The following VSNL1 variants were observed in gnomAD, a reference collection of about 807,000 sequenced individuals.
VSNL1 encodes the protein visinin like 1.
In VSNL1, 6 loss-of-function variants were observed where a neutral mutation model predicts 20.4. That is an observed-to-expected ratio of 0.29 (90% confidence interval 0.16 to 0.58). The LOEUF is 0.58. VSNL1 is among the 20% of genes least tolerant of loss of function. The pLI is 0.90. For missense variants in VSNL1, 100 were observed against 234.5 expected (o/e 0.43, Z 3.75); for synonymous variants, 93 against 86.4 (o/e 1.08, Z -0.42).
At chr2:17,552,532 A>T (rs1331779014) in intron 1 of VSNL1, among the ~76,000 whole-genome samples, 1 of 152,154 alleles carries the variant, frequency 6.6e-6, no homozygotes, top group South Asian at 2.1e-4. Flanking sequence ...CCATCACCCA[A>T]TGTTAATCAG....
intron 1 of VSNL1, among the ~76,000 whole-genome samples, chr2:17,548,738 A>G (rs1225163875): frequency 6.6e-6 from 1 of 152,066 alleles, no homozygotes; most frequent in Admixed American, 6.6e-5. Context: ...TTTTCCAAGT[A>G]TATCTTCCTA....
chr2:17,645,406 T>C (rs1009442865), intron 2 of VSNL1, among the ~76,000 whole-genome samples: 2 of 152,208 alleles, frequency 1.3e-5, no homozygotes, highest in South Asian at 4.1e-4. Flanking sequence ...GAGAGATTCA[T>C]GTGGGAAATG....
chr2:17,626,322 C>T (rs1665507981), intron 2 of VSNL1, among the ~76,000 whole-genome samples: 1 of 152,146 alleles, frequency 6.6e-6, no homozygotes, highest in Non-Finnish European at 1.5e-5. Context: ...TGTGTAGTAC[C>T]CCTTGGGGCC....
rs151076033 is a variant in VSNL1 at position 17,631,131 on chromosome 2, T to G, written c.163-18279T>G. Among the ~76,000 whole-genome samples the G allele has an allele frequency of 4.7e-3, 714 of 152,268 alleles. 3 individuals are homozygous for G. Among genetic ancestry groups the G allele is most frequent in the Middle Eastern group, 0.014 (4 of 294 alleles). ...AAAAAATGGACTTTTCATTAAATCTTATAACAATTGTCTAGCCATTATATT... is the reference window on the plus strand; with the variant it reads ...AAAAAATGGACTTTTCATTAAATCTGATAACAATTGTCTAGCCATTATATT... On this transcript the variant is annotated intron_variant, in intron 2 of 3. Transcript: ENST00000295156.
intron 2 of VSNL1, among the ~76,000 whole-genome samples, chr2:17,605,539 C>T (rs1157183390): frequency 6.6e-6 from 1 of 152,222 alleles, no homozygotes; most frequent in Non-Finnish European, 1.5e-5. Flanking sequence ...TGGTAACAGC[C>T]TTGAAGGTAT....
intron 1 of VSNL1, among the ~76,000 whole-genome samples, chr2:17,555,933 A>G (rs1362696251): frequency 6.6e-6 from 1 of 152,192 alleles, no homozygotes; most frequent in Non-Finnish European, 1.5e-5. Flanking sequence ...CTTAAGACAA[A>G]TATCTTTTTT....
intron 1 of VSNL1, among the ~76,000 whole-genome samples, chr2:17,576,200 A>G (rs1052474238): frequency 3.9e-5 from 6 of 152,186 alleles, no homozygotes; most frequent in Non-Finnish European, 8.8e-5. Flanking sequence ...TTAATTTTGC[A>G]TCTCTGCTTT....
At chr2:17,551,087 C>A (rs1663524099) in intron 1 of VSNL1, among the ~76,000 whole-genome samples, 1 of 152,206 alleles carries the variant, frequency 6.6e-6, no homozygotes, top group South Asian at 2.1e-4. Flanking sequence ...ACTTCCCAGT[C>A]AGGAGTTGTT....
chr2:17,652,483 CAG>C (rs1348225815), intron 3 of VSNL1, among the ~76,000 whole-genome samples: 2 of 152,186 alleles, frequency 1.3e-5, no homozygotes, highest in African/African-American at 2.4e-5. Flanking sequence ...AGAATAGTTT[CAG>C]AGGAGTTGGT....
intron 1 of VSNL1, among the ~76,000 whole-genome samples, chr2:17,546,408 TTTTG>T (rs962548863): frequency 6.0e-5 from 8 of 133,742 alleles, no homozygotes; most frequent in African/African-American, 2.0e-4. Flanking sequence ...GTAAATAGTT[TTTTG>T]TTTTTTTTGG....
chr2:17,611,969 G>C (rs540695130), intron 2 of VSNL1, among the ~76,000 whole-genome samples: 1 of 152,280 alleles, frequency 6.6e-6, no homozygotes, highest in African/African-American at 2.4e-5. Context: ...ATTAATATCA[G>C]AATATATGAT....
chr2:17,648,086 T>C (rs904822385), intron 2 of VSNL1, among the ~76,000 whole-genome samples: 1 of 152,200 alleles, frequency 6.6e-6, no homozygotes, highest in Non-Finnish European at 1.5e-5. Flanking sequence ...TTGGGGTGAT[T>C]TGTTATATAG....
rs1425972482 is a variant in VSNL1 at position 17,649,117 on chromosome 2, C to G, written c.163-293C>G. On this transcript the variant is annotated intron_variant, in intron 2 of 3. Transcript: ENST00000295156. The surrounding 1 kb of genome is among the most constrained non-coding windows in gnomAD (Gnocchi z 6.4). ...CTGGGGGGAGTGAGCTGAGATGCTG[C>G]AACACTAGCATCAGGTGGTGCTTGT... Among the ~76,000 whole-genome samples, 1 of 152,178 alleles carries G rather than the reference C, an allele frequency of 6.6e-6. No individual in the cohort carries two copies. Among genetic ancestry groups the G allele is most frequent in the Non-Finnish European group, 1.5e-5 (1 of 68,030 alleles).
chr2:17,607,703 C>G (rs1285917070), intron 2 of VSNL1, among the ~76,000 whole-genome samples: 1 of 152,230 alleles, frequency 6.6e-6, no homozygotes, highest in African/African-American at 2.4e-5. Context: ...TTAGTCATCT[C>G]TGTATCCCCA....
chr2:17,561,347 G>A (rs1342885971), intron 1 of VSNL1, among the ~76,000 whole-genome samples: 2 of 152,202 alleles, frequency 1.3e-5, no homozygotes, highest in Non-Finnish European at 2.9e-5. Flanking sequence ...GCTCCCCACA[G>A]AAGCCCTAGC....
chr2:17,626,292 G>A (rs922827706), intron 2 of VSNL1, among the ~76,000 whole-genome samples: 3 of 152,180 alleles, frequency 2.0e-5, no homozygotes, highest in Non-Finnish European at 2.9e-5. Context: ...CGAATCACAG[G>A]CCACGTTCCC....
At chr2:17,622,022 G>C (rs547987270) in intron 2 of VSNL1, among the ~76,000 whole-genome samples, 1 of 151,966 alleles carries the variant, frequency 6.6e-6, no homozygotes, top group Non-Finnish European at 1.5e-5. Context: ...AGAGAGGCTG[G>C]GCTGATAGTG....
At chr2:17,630,938 C>T (rs1227948037) in intron 2 of VSNL1, among the ~76,000 whole-genome samples, 1 of 152,130 alleles carries the variant, frequency 6.6e-6, no homozygotes, top group Admixed American at 6.5e-5. Flanking sequence ...CACAACACCA[C>T]GCCTGGCTAA....
At chr2:17,627,050 A>G (rs1665526878) in intron 2 of VSNL1, among the ~76,000 whole-genome samples, 1 of 152,186 alleles carries the variant, frequency 6.6e-6, no homozygotes, top group Admixed American at 6.5e-5. Context: ...TTTCACCCTC[A>G]TTTCAACACC....
Sources: allele counts gnomAD v4.1 joint callset (sites outside exome capture counted in the v4.1 genomes callset), GRCh38; gene constraint gnomAD v4.1.1; non-coding constraint Gnocchi (gnomAD v3.1); transcripts MANE v1.5; gene names NCBI Gene and HGNC (gene_info 2026-07-23, HGNC 2026-07-21).